IL18R1: variants seen among roughly 807,000 people sequenced by gnomAD.
IL18R1 encodes the protein interleukin 18 receptor 1, also known as interleukin-18 receptor 1.
IL18R1 carries 40 observed loss-of-function variants against 48.5 expected under a neutral mutation model. The ratio of observed to expected loss-of-function variants is 0.82; its 90% CI spans 0.64 to 1.07. The LOEUF is 1.07. Ranked by LOEUF, IL18R1 falls within the 50% of genes least tolerant of loss-of-function variation. IL18R1 has a pLI of 0.00. For synonymous variants in IL18R1, 232 were observed against 225.9 expected, an observed-to-expected ratio of 1.03 and a Z score of -0.24; for missense variants, 596 against 633.7, an observed-to-expected ratio of 0.94 and a Z score of 0.64.
At chr2:102,380,926 C>T (rs962906304) in intron 5 of IL18R1, among the ~76,000 whole-genome samples, 24 of 152,162 alleles carry the variant, frequency 1.6e-4, no homozygotes, top group South Asian at 8.3e-4. Flanking sequence ...AATCTATGAC[C>T]GCAGCTGCTC....
At chr2:102,371,440 C>A (rs1679254248) in intron 3 of IL18R1, among the ~76,000 whole-genome samples, 1 of 152,158 alleles carries the variant, frequency 6.6e-6, no homozygotes, top group South Asian at 2.1e-4. Flanking sequence ...ACACTGAGGG[C>A]AGCAACTCCA....
At chr2:102,360,732 G>C (rs1297459625) in intron 1 of IL18R1, among the ~76,000 whole-genome samples, 1 of 152,078 alleles carries the variant, frequency 6.6e-6, no homozygotes, top group African/African-American at 2.4e-5. Flanking sequence ...AAACTTAAGA[G>C]TTACGGAAAA....
intron 1 of IL18R1, among the ~76,000 whole-genome samples, chr2:102,359,688 A>C (rs1057218909): frequency 1.3e-5 from 2 of 152,070 alleles, no homozygotes; most frequent in African/African-American, 4.8e-5. Context: ...TGGTCGATAG[A>C]TGCTGTCTTG....
At chr2:102,394,943 G>A (rs1015216093) in intron 10 of IL18R1, among the ~76,000 whole-genome samples, 1 of 152,078 alleles carries the variant, frequency 6.6e-6, no homozygotes, top group African/African-American at 2.4e-5. Context: ...AATGACCCAC[G>A]GTGAGAATAT....
At chr2:102,387,759 A>T (rs1680322975) in intron 8 of IL18R1, among the ~76,000 whole-genome samples, 2 of 152,176 alleles carry the variant, frequency 1.3e-5, no homozygotes. Flanking sequence ...AGAGACTAAC[A>T]CACCCAGAGA....
At chr2:102,361,843 A>G (rs1314039986) in intron 1 of IL18R1, among the ~76,000 whole-genome samples, 4 of 152,162 alleles carry the variant, frequency 2.6e-5, no homozygotes, top group East Asian at 1.9e-4. Flanking sequence ...TGTAATCAGA[A>G]CTCCGAATGC....
chr2:102,374,830 G>A (rs1319958938), intron 4 of IL18R1, among the ~76,000 whole-genome samples: 4 of 151,970 alleles, frequency 2.6e-5, no homozygotes, highest in African/African-American at 9.7e-5. Flanking sequence ...ATGAGCATTG[G>A]TGCACCAAGG....
chr2:102,370,436 G>T (rs748144517), intron 3 of IL18R1, among the ~76,000 whole-genome samples: 4 of 152,212 alleles, frequency 2.6e-5, no homozygotes, highest in Non-Finnish European at 4.4e-5. Context: ...CACTTGAGAA[G>T]AAGGTGCTGC....
chr2:102,372,823 A>G lies in IL18R1; in HGVS notation c.468+705A>G, dbSNP rs568722360. 4.6e-5 allele frequency among the ~76,000 whole-genome samples: 7 copies of G among 152,262 alleles called. No homozygotes were observed. The East Asian group carries it at 5.8e-4, about 13-fold the overall frequency. On this transcript the variant is annotated intron_variant, in intron 4 of 10. Coordinates refer to ENST00000233957, the MANE Select transcript of IL18R1 (RefSeq NM_003855.5). ...ATTTGTGAATTGCCTATTTTTCACT[A>G]TTATTTAAAGGCTAAAATGAATACC...
intron 3 of IL18R1, among the ~76,000 whole-genome samples, 192 bp from the exon 4 acceptor site, chr2:102,371,761 C>T (rs1475635668): frequency 1.3e-5 from 2 of 152,188 alleles, no homozygotes; most frequent in African/African-American, 2.4e-5. Context: ...TTACCCCCTG[C>T]TCCCATGACA....
chr2:102,385,913 G>A (rs1680196828), intron 7 of IL18R1, among the ~76,000 whole-genome samples: 1 of 152,204 alleles, frequency 6.6e-6, no homozygotes, highest in Non-Finnish European at 1.5e-5. Flanking sequence ...TCTTAGAAAT[G>A]CAGCTTAAGC....
In IL18R1 at chr2:102,394,674, TA is replaced by T. The variant is rs768185393; in HGVS notation, c.1270+53del. 1.3e-6 allele frequency: 2 copies of T among 1,517,626 alleles called. 1 individual carries two copies. Among genetic ancestry groups the T allele is most frequent in the South Asian group, 2.5e-5 (2 of 81,098 alleles). 94.0% of individuals were successfully genotyped at this position (1,517,626 alleles called of 1,614,324 possible). A position where few individuals can be genotyped will look rare whatever the true frequency, so the allele number is the denominator to read the frequency against. On this transcript the variant is annotated intron_variant, in intron 10 of 10. Coordinates refer to ENST00000233957, the MANE Select transcript of IL18R1 (RefSeq NM_003855.5). ...AAAAATATTCAAGATAGTTTCTTTT[TA>T]AAAAATGAATGAGCTAGCCCCCAGA...
In IL18R1 at chr2:102,356,385, G is replaced by A. The variant is rs1266846136; in HGVS notation, c.-44G>A. The A allele has an allele frequency of 5.1e-6, 5 of 984,624 alleles. No individual in the cohort carries two copies. The highest frequency in any genetic ancestry group is 1.8e-5 in the African/African-American group (1 of 57,142). 61.0% of individuals were successfully genotyped at this position (984,624 alleles called of 1,614,324 possible). A position where few individuals can be genotyped will look rare whatever the true frequency, so the allele number is the denominator to read the frequency against. ...GCTGCCGCCCCCGCCCCAGCCTCGG[G>A]GACGCCTCTCTGAAGGTAAGGGTGG... On this transcript the variant is annotated 5_prime_UTR_variant, in exon 1 of 11. Transcript: ENST00000233957.
At chr2:102,390,660 G>A (rs756616773) in intron 9 of IL18R1, among the ~76,000 whole-genome samples, 4 of 152,266 alleles carry the variant, frequency 2.6e-5, no homozygotes, top group South Asian at 4.1e-4. Context: ...CTGGCCGGGC[G>A]CGGTGGCTCA....
rs1308857853 is a variant in IL18R1, at chr2:102,396,634, T to G, written c.1374T>G (p.Ser458Arg). 6.2e-7 allele frequency: 1 copy of G among 1,613,122 alleles called. No individual in the cohort carries two copies. The highest frequency in any genetic ancestry group is 8.5e-7 in the Non-Finnish European group (1 of 1,179,066). The change falls in exon 11 of 11, where the codon AGT becomes AGG. Residue 458 changes from serine to arginine, a missense_variant. Coordinates refer to ENST00000233957, the MANE Select transcript of IL18R1 (RefSeq NM_003855.5). The part of the protein sequence containing the change: ...MSNEVRYELE[S>R]GLHEALVERK... ...ATGAGGTCAGGTATGAACTTGAAAG[T>G]GGACTCCATGAAGCATTGGTGGAAA...
At chr2:102,359,091 A>G (rs956191257) in intron 1 of IL18R1, among the ~76,000 whole-genome samples, 1 of 152,190 alleles carries the variant, frequency 6.6e-6, no homozygotes, top group Non-Finnish European at 1.5e-5. Flanking sequence ...CTAGACTTGC[A>G]GTAGAGTGCT....
intron 9 of IL18R1, among the ~76,000 whole-genome samples, chr2:102,393,912 T>G (rs894854656): frequency 4.8e-4 from 73 of 152,258 alleles, no homozygotes; most frequent in African/African-American, 1.8e-3. Context: ...ATTTTTCTTC[T>G]GCTAATGTGT....
intron 2 of IL18R1, among the ~76,000 whole-genome samples, chr2:102,365,056 G>A (rs1678807247): frequency 6.6e-6 from 1 of 151,948 alleles, no homozygotes; most frequent in Non-Finnish European, 1.5e-5. Flanking sequence ...TTCCACCCCT[G>A]GCCTCTCCCA....
At chr2:102,394,668 T>C in intron 10 of IL18R1, 41 bp downstream of exon 10, 1 of 1,535,526 alleles carries the variant, frequency 6.5e-7, no homozygotes, top group Non-Finnish European at 8.9e-7. Flanking sequence ...CAAGATAGTT[T>C]CTTTTTAAAA....
Sources: gnomAD v4.1 joint callset for allele counts (sites outside exome capture counted in the v4.1 genomes callset) on GRCh38, gnomAD v4.1.1 for gene constraint, MANE v1.5 for transcripts, NCBI Gene and HGNC (gene_info 2026-07-23, HGNC 2026-07-21) for gene names.